SFMBT2: variants seen among roughly 807,000 people sequenced by gnomAD.
SFMBT2 encodes Scm like with four mbt domains 2, also known as scm-like with four MBT domains protein 2.
Under a neutral mutation model 110.1 loss-of-function variants are expected in SFMBT2, and 38 were observed. The observed-to-expected ratio is 0.35, with a 90% CI of 0.27 to 0.45. The LOEUF is 0.45. Ranked by LOEUF, SFMBT2 falls within the 20% of genes least tolerant of loss-of-function variation. SFMBT2 has a pLI of 1.00. For missense variants in SFMBT2, 1,011 were observed against 1,094.9 expected (o/e 0.92, Z 1.08); for synonymous variants, 425 against 425.4 (o/e 1.00, Z 0.01).
At chr10:7,365,054 G>A (rs1019150713) in intron 4 of SFMBT2, among the ~76,000 whole-genome samples, 4 of 152,188 alleles carry the variant, frequency 2.6e-5, no homozygotes, top group Non-Finnish European at 4.4e-5. Flanking sequence ...TCTCCCTCAG[G>A]ACCTGTTTAG....
rs1837623497 is a variant in SFMBT2, at chr10:7,163,989, C to T, written c.2545-79G>A. 92 of 1,499,318 alleles carry T rather than the reference C, an allele frequency of 6.1e-5. No homozygotes were observed. The South Asian group carries it at 1.0e-3, about 16-fold the overall frequency. The allele number at this position is 1,499,318 out of a possible 1,614,324, so 92.9% of individuals were successfully genotyped here. On this transcript the variant is annotated intron_variant, in intron 20 of 20. Transcript: ENST00000397167. The surrounding 1 kb of genome is among the most constrained non-coding windows in gnomAD (Gnocchi z 4.8). Reference sequence around the variant, plus strand: ...AGATGCGTCACAGCAGGCTCCAGTCCGGGGCCAAACATGACAACAGGATGC... The same window carrying T: ...AGATGCGTCACAGCAGGCTCCAGTCTGGGGCCAAACATGACAACAGGATGC...
rs560623068 is a variant in SFMBT2, at chr10:7,254,097, G to T, written c.871-5448C>A. Among the ~76,000 whole-genome samples the T allele has an allele frequency of 7.9e-5, 12 of 152,334 alleles. No homozygotes were observed. In the South Asian group the frequency reaches 2.5e-3, roughly 32 times the overall value. ...AAAAAACATGAAAGATATCCATGCT[G>T]TATGTGCAGAACTTTCCAGTAAATG... On this transcript the variant is annotated intron_variant, in intron 7 of 20. Transcript: ENST00000397167.
At chr10:7,195,313 C>T (rs979936960) in intron 15 of SFMBT2, among the ~76,000 whole-genome samples, 13 of 152,184 alleles carry the variant, frequency 8.5e-5, no homozygotes, top group Admixed American at 2.0e-4. Flanking sequence ...CATTAACTAG[C>T]GGTCCTGCTG....
At chr10:7,180,133 C>CTTTTT (rs34158255) in intron 16 of SFMBT2, among the ~76,000 whole-genome samples, 14 of 128,982 alleles carry the variant, frequency 1.1e-4, no homozygotes, top group Middle Eastern at 3.9e-3. Context: ...CTTTTTTTTG[C>CTTTTT]TTTTTTTGAG....
chr10:7,343,627 T>C (rs1843999742), intron 4 of SFMBT2, among the ~76,000 whole-genome samples: 1 of 152,234 alleles, frequency 6.6e-6, no homozygotes, highest in African/African-American at 2.4e-5. Context: ...GATTTGCATT[T>C]CCCTAATAAT....
At position 7,295,480 on chromosome 10, in the gene SFMBT2, G is replaced by C. The variant is rs144263474; in HGVS notation, c.437-9526C>G. Among the ~76,000 whole-genome samples, 350 of 152,306 alleles carry C rather than the reference G, an allele frequency of 2.3e-3. 1 individual carries two copies. The highest frequency in any genetic ancestry group is 8.2e-3 in the African/African-American group (340 of 41,564). Reference sequence around the variant, plus strand: ...AGACTTAGACGGCTTTAGGAATTGTGTCTGTTTCACTAATCTTTTGATGAC... The same window carrying C: ...AGACTTAGACGGCTTTAGGAATTGTCTCTGTTTCACTAATCTTTTGATGAC... On this transcript the variant is annotated intron_variant, in intron 4 of 20. Coordinates refer to ENST00000397167, the MANE Select transcript of SFMBT2 (RefSeq NM_001387889.1).
At chr10:7,231,101 TAAAAG>T (rs1840103135) in intron 9 of SFMBT2, among the ~76,000 whole-genome samples, 2 of 152,044 alleles carry the variant, frequency 1.3e-5, no homozygotes, top group South Asian at 2.1e-4. Flanking sequence ...TCTCTGCTCC[TAAAAG>T]AAAAGTGTAA....
intron 16 of SFMBT2, among the ~76,000 whole-genome samples, chr10:7,182,003 C>T (rs10795531): frequency 0.49 from 74,692 of 152,088 alleles, 20,970 homozygotes; most frequent in East Asian, 0.65. Context: ...TTGAGCTCCA[C>T]GTGACAGACC....
At chr10:7,354,972 A>G (rs1249369393) in intron 4 of SFMBT2, among the ~76,000 whole-genome samples, 1 of 152,248 alleles carries the variant, frequency 6.6e-6, no homozygotes. Context: ...TTTTATCTTT[A>G]TCTATTTGGC....
chr10:7,370,020 C>A (rs905437191), intron 3 of SFMBT2, among the ~76,000 whole-genome samples: 3 of 152,124 alleles, frequency 2.0e-5, no homozygotes, highest in African/African-American at 7.2e-5. Flanking sequence ...ACCACCACAC[C>A]CAGCTAATTT....
chr10:7,180,979 C>T (rs1420152200), intron 16 of SFMBT2, among the ~76,000 whole-genome samples: 1 of 152,072 alleles, frequency 6.6e-6, no homozygotes, highest in East Asian at 1.9e-4. Flanking sequence ...ACACAGCAGG[C>T]CTGAGCCACT....
chr10:7,409,060 G>C (rs1183805140), intron 1 of SFMBT2, among the ~76,000 whole-genome samples: 2 of 151,804 alleles, frequency 1.3e-5, no homozygotes, highest in South Asian at 2.1e-4. Context: ...TTGTCTCCCA[G>C]AGCCGCGCGC....
chr10:7,410,232 C>A (rs1203071896), intron 1 of SFMBT2, among the ~76,000 whole-genome samples: 1 of 152,260 alleles, frequency 6.6e-6, no homozygotes, highest in Non-Finnish European at 1.5e-5. Context: ...TCCAAAACTA[C>A]TACTGCCAAT....
rs573683101 is a variant in SFMBT2, at chr10:7,179,585, C to T, written c.1809-3420G>A. Among the ~76,000 whole-genome samples, 6 of 152,082 alleles carry T rather than the reference C, an allele frequency of 3.9e-5. No individual in the cohort carries two copies. In the South Asian group the frequency reaches 1.0e-3, roughly 26 times the overall value. ...AACTTTGTTGGAAAGAGCTCACTAT[C>T]GAGATTCTTAGAGTCCCTAGAAAAA... is the stretch of plus-strand genomic sequence containing the variant. On this transcript the variant is annotated intron_variant, in intron 16 of 20. Coordinates refer to ENST00000397167, the MANE Select transcript of SFMBT2 (RefSeq NM_001387889.1).
At position 7,381,863 on chromosome 10, in the gene SFMBT2, G is replaced by A. The variant is rs1197599936; in HGVS notation, c.36C>T (p.Asp12=). Residue 12 remains aspartate, a synonymous_variant, in exon 2 of 21, where the codon GAC becomes GAT. Transcript: ENST00000397167. ...ESTLSASNMQ[D]PSSSPLEKCL... ...ACTTTTCCAAGGGTGAAGATGAAGGGTCTTGCATATTGGAAGCTGACAAAG... is the reference window on the plus strand; with the variant it reads ...ACTTTTCCAAGGGTGAAGATGAAGGATCTTGCATATTGGAAGCTGACAAAG... 1.2e-6 allele frequency: 2 copies of A among 1,612,328 alleles called. No homozygotes were observed. The highest frequency in any genetic ancestry group is 2.7e-5 in the African/African-American group (2 of 74,728).
At chr10:7,315,766 T>TTACTCTTGCTCTTAA (rs1325513937) in intron 4 of SFMBT2, among the ~76,000 whole-genome samples, 5 of 152,248 alleles carry the variant, frequency 3.3e-5, no homozygotes, top group Non-Finnish European at 1.5e-5. Flanking sequence ...AGTTAAGAGC[T>TTACTCTTGCTCTTAA]GTATGACCTT....
At chr10:7,273,993 A>G (rs1394167935) in intron 7 of SFMBT2, among the ~76,000 whole-genome samples, 1 of 152,224 alleles carries the variant, frequency 6.6e-6, no homozygotes, top group Non-Finnish European at 1.5e-5. Context: ...TGTTTATTGC[A>G]GCACTATTCA....
At position 7,382,580 on chromosome 10, in the gene SFMBT2, A is replaced by AT. The variant is rs1704215617; in HGVS notation, c.-51-632dup. On this transcript the variant is annotated intron_variant, in intron 1 of 20. Transcript: ENST00000397167. ...CTTGCATTTCAGTCCTCGATCCACC[A>AT]TGGCAACATTGGTAAGACACTCCCC... Among the ~76,000 whole-genome samples, 2 of 152,110 alleles carry AT rather than the reference A, an allele frequency of 1.3e-5. 1 individual carries two copies. The highest frequency in any genetic ancestry group is 4.1e-4 in the South Asian group (2 of 4,822).
In SFMBT2 at chr10:7,243,670, A is replaced by G. The variant is rs2248474; in HGVS notation, c.1008T>C (p.Asp336=). ...FNNHFFQVTI[D]DLRPEPSKLS... ...GTTTACTTGGTTCAGGTCTTAGGTC[A>G]TCAATAGTCACTTGAAAAAAGTGAT... The change falls in exon 9 of 21, where the codon GAT becomes GAC. Residue 336 remains aspartate (D), a synonymous_variant. Coordinates refer to ENST00000397167, the MANE Select transcript of SFMBT2 (RefSeq NM_001387889.1). 0.91 allele frequency: 793,274 copies of G among 872,640 alleles called. 361,075 individuals are homozygous for G. The highest frequency in any genetic ancestry group is 0.94 in the Admixed American group (55,606 of 59,166). The allele number at this position is 872,640 out of a possible 1,614,324, so 54.1% of individuals were successfully genotyped here.
Sources: gnomAD v4.1 joint callset for allele counts (sites outside exome capture counted in the v4.1 genomes callset) on GRCh38, gnomAD v4.1.1 for gene constraint, Gnocchi (gnomAD v3.1) non-coding constraint, MANE v1.5 for transcripts, NCBI Gene and HGNC (gene_info 2026-07-23, HGNC 2026-07-21) for gene names.